Variants in AVEN observed in about 807,000 individuals in gnomAD.
AVEN encodes the protein apoptosis and caspase activation inhibitor.
AVEN carries 41 observed loss-of-function variants against 38.1 expected under a neutral mutation model. The ratio of observed to expected loss-of-function variants is 1.08; its 90% CI spans 0.84 to 1.40. The LOEUF is 1.40. Ranked by LOEUF, AVEN falls within the 40% of genes most tolerant of loss-of-function variation. The pLI is 0.00. For missense variants in AVEN, 605 were observed against 438.8 expected (o/e 1.38, Z -3.38); for synonymous variants, 206 against 171.8 (o/e 1.20, Z -1.56).
At chr15:33,864,789 A>C (rs752905410), downstream of AVEN, 4 of 233,940 alleles carry the variant, frequency 1.7e-5, no homozygotes, top group African/African-American at 6.7e-5. Flanking sequence ...GCATGCAATA[A>C]ACGTTCCCTC....
At chr15:33,860,388 T>C (rs919536734) in intron 11 of AVEN, among the ~76,000 whole-genome samples, 1 of 152,158 alleles carries the variant, frequency 6.6e-6, no homozygotes, top group African/African-American at 2.4e-5. Context: ...TTAACAGCAC[T>C]GCATGGTGTA....
rs147298846 is a variant in AVEN, at chr15:33,974,886, C to T, written c.445+28146G>A. Among the ~76,000 whole-genome samples, 34 of 152,246 alleles carry T rather than the reference C, an allele frequency of 2.2e-4. 3 individuals are homozygous for T. The South Asian group carries it at 7.0e-3, about 32-fold the overall frequency. ...TACTTGGAGGCTGGGGCCGGAGAAT[C>T]GCTTGAACCCAGGAGGTGGAGCTTG... On this transcript the variant is annotated intron_variant, in intron 2 of 5. Coordinates refer to ENST00000306730, the MANE Select transcript of AVEN (RefSeq NM_020371.3).
intron 2 of AVEN, among the ~76,000 whole-genome samples, chr15:33,950,657 T>C (rs970966837): frequency 1.6e-4 from 25 of 151,740 alleles, no homozygotes; most frequent in Middle Eastern, 3.4e-3. Context: ...GGGAGGTAAA[T>C]AATTTTTAGT....
intron 1 of AVEN, among the ~76,000 whole-genome samples, chr15:34,024,009 GGAAAA>G (rs1184832331): frequency 6.6e-6 from 1 of 152,100 alleles, no homozygotes; most frequent in Non-Finnish European, 1.5e-5. Flanking sequence ...AATCGTAACA[GGAAAA>G]GCATAAAACC....
intron 2 of AVEN, among the ~76,000 whole-genome samples, chr15:33,998,520 A>C (rs1437637733): frequency 6.6e-6 from 1 of 152,168 alleles, no homozygotes; most frequent in Non-Finnish European, 1.5e-5. Flanking sequence ...CCACCAGCCC[A>C]TTATTCTCCT....
Position 34,038,940 on chromosome 15 carries a change from G to A in AVEN, c.107C>T (p.Ala36Val). Residue 36 changes from alanine (A) to valine (V), a missense_variant, in exon 1 of 6, where the codon GCC becomes GTC. Ala to Val is a moderately conservative substitution (Grantham distance 64, BLOSUM62 0). Transcript: ENST00000306730. ...SERPGAAAAV[A>V]RGGGGGGGGD... The stretch of plus-strand genomic sequence containing the variant: ...GCCGCCGCCTCCGCCGCCGCCTCTG[G>A]CTACCGCCGCTGCGGCTCCGGGCCG... The A allele has an allele frequency of 9.1e-7, 1 of 1,099,246 alleles. No individual in the cohort carries two copies. Among genetic ancestry groups the A allele is most frequent in the Non-Finnish European group, 1.1e-6 (1 of 910,676 alleles). The allele number at this position is 1,099,246 out of a possible 1,614,324, so 68.1% of individuals were successfully genotyped here.
chr15:33,889,896 G>A (rs922515862), intron 2 of AVEN, among the ~76,000 whole-genome samples: 5 of 152,142 alleles, frequency 3.3e-5, no homozygotes, highest in African/African-American at 1.2e-4. Context: ...TCGAAGCTTG[G>A]TCCTGAAAAT....
chr15:34,001,363 T>A (rs2140619660), intron 2 of AVEN, among the ~76,000 whole-genome samples: 1 of 152,266 alleles, frequency 6.6e-6, no homozygotes, highest in Non-Finnish European at 1.5e-5. Flanking sequence ...TTATGAAGTA[T>A]CTTTTTTTTG....
In AVEN at chr15:33,871,036, T is replaced by C; in HGVS notation, c.517-6A>G. 6.9e-7 allele frequency: 1 copy of C among 1,447,148 alleles called. No homozygotes were observed. The highest frequency in any genetic ancestry group is 9.2e-7 in the Non-Finnish European group (1 of 1,089,546). 89.6% of individuals were successfully genotyped at this position (1,447,148 alleles called of 1,614,324 possible). A position where few individuals can be genotyped will look rare whatever the true frequency, so the allele number is the denominator to read the frequency against. On this transcript the variant is annotated splice_region_variant and splice_polypyrimidine_tract_variant and intron_variant, in intron 3 of 5. Transcript: ENST00000306730. ...TCCACATAAAATGCTGAATTCTATATATATATATAAAAGAAAATAAAATAT... is the reference window on the plus strand; with the variant it reads ...TCCACATAAAATGCTGAATTCTATACATATATATAAAAGAAAATAAAATAT...
chr15:33,937,005 C>T (rs1048125875), intron 2 of AVEN, among the ~76,000 whole-genome samples: 1 of 151,576 alleles, frequency 6.6e-6, no homozygotes, highest in Non-Finnish European at 1.5e-5. Context: ...GTGGCGGGCG[C>T]CTGTAGTCCC....
At chr15:33,936,239 ACT>A (rs1339934620) in intron 2 of AVEN, among the ~76,000 whole-genome samples, 2 of 152,152 alleles carry the variant, frequency 1.3e-5, no homozygotes, top group Non-Finnish European at 2.9e-5. Flanking sequence ...AACAAAACTA[ACT>A]CTGCATACAG....
At chr15:33,885,178 A>G (rs1299857550) in intron 2 of AVEN, among the ~76,000 whole-genome samples, 9 of 152,290 alleles carry the variant, frequency 5.9e-5, no homozygotes, top group Admixed American at 5.9e-4. Flanking sequence ...GAAGACCCCA[A>G]TCTTCACAGA....
intron 2 of AVEN, among the ~76,000 whole-genome samples, chr15:33,945,998 A>G (rs1387806802): frequency 1.3e-5 from 2 of 152,232 alleles, no homozygotes; most frequent in African/African-American, 4.8e-5. Context: ...CAGTGAGAGC[A>G]GGAACTGTAT....
At chr15:33,964,670 G>T (rs1303032364) in intron 2 of AVEN, among the ~76,000 whole-genome samples, 1 of 152,002 alleles carries the variant, frequency 6.6e-6, no homozygotes, top group Non-Finnish European at 1.5e-5. Context: ...TAAATGAATA[G>T]TATTTTAAAA....
chr15:33,942,083 A>G (rs1894337645), intron 2 of AVEN, among the ~76,000 whole-genome samples: 1 of 152,188 alleles, frequency 6.6e-6, no homozygotes, highest in Admixed American at 6.5e-5. Context: ...GCACTTGAAG[A>G]CTTACTGTCA....
At chr15:33,897,380 C>T (rs1892276029) in intron 2 of AVEN, among the ~76,000 whole-genome samples, 1 of 152,186 alleles carries the variant, frequency 6.6e-6, no homozygotes, top group East Asian at 2.0e-4. Context: ...TCACTGCAAG[C>T]TCCACCTCCC....
intron 1 of AVEN, among the ~76,000 whole-genome samples, chr15:34,032,570 G>C (rs1183459072): frequency 6.6e-6 from 1 of 152,192 alleles, no homozygotes; most frequent in South Asian, 2.1e-4. Context: ...ATCTTACTAA[G>C]AAACAAAGGG....
chr15:33,944,946 A>G (rs1361805688), intron 2 of AVEN, among the ~76,000 whole-genome samples: 1 of 152,178 alleles, frequency 6.6e-6, no homozygotes, highest in African/African-American at 2.4e-5. Context: ...CCAGGCACGG[A>G]CTCTCCACAG....
At chr15:34,073,488 G>A (rs1273590640) in intron 1 of AVEN, among the ~76,000 whole-genome samples, 1 of 150,358 alleles carries the variant, frequency 6.7e-6, no homozygotes, top group Non-Finnish European at 1.5e-5. Context: ...GAGTAACATA[G>A]GGAGCTCTTT....
Sources: gnomAD v4.1 joint callset for allele counts (sites outside exome capture counted in the v4.1 genomes callset) on GRCh38, gnomAD v4.1.1 for gene constraint, MANE v1.5 for transcripts, NCBI Gene and HGNC (gene_info 2026-07-23, HGNC 2026-07-21) for gene names.